The following ZNF226 variants were observed in gnomAD, a reference collection of about 807,000 sequenced individuals.
ZNF226 encodes the protein Kruppel-associated box protein.
Under a neutral mutation model 11.4 loss-of-function variants are expected in ZNF226, and 6 were observed. The ratio of observed to expected loss-of-function variants is 0.53; its 90% CI spans 0.29 to 1.04. The LOEUF is 1.04. Among genes scored for constraint, ZNF226 ranks in the 50% least tolerant of loss-of-function variants. The pLI is 0.08. For synonymous variants in ZNF226, 350 were observed against 322.8 expected (o/e 1.08, Z -0.90); for missense variants, 1,058 against 956.5 (o/e 1.11, Z -1.40).
downstream of ZNF226, among the ~76,000 whole-genome samples, chr19:44,179,803 C>T (rs534000798): frequency 1.3e-5 from 2 of 151,868 alleles, no homozygotes; most frequent in South Asian, 2.1e-4. Context: ...TTTACAGAGG[C>T]CAGGTGCGGT....
At chr19:44,197,199 A>G in the ZNF226 span, among the ~76,000 whole-genome samples, 1 of 152,078 alleles carries the variant, frequency 6.6e-6, no homozygotes, top group Non-Finnish European at 1.5e-5. Flanking sequence ...AATCTTGTAT[A>G]TATTTCGGGG....
the ZNF226 span, among the ~76,000 whole-genome samples, chr19:44,194,255 TTTA>T: frequency 1.3e-5 from 2 of 152,108 alleles, no homozygotes; most frequent in Non-Finnish European, 2.9e-5. Flanking sequence ...CCTAGTGGCA[TTTA>T]TTATTATTCT....
intron 5 of ZNF226, chr19:44,175,177 C>G: frequency 6.9e-7 from 1 of 1,452,780 alleles, no homozygotes; most frequent in Non-Finnish European, 9.0e-7. Flanking sequence ...AAACTGTGAG[C>G]ACTACAAAAT....
chr19:44,176,777 C>G lies in ZNF226; in HGVS notation c.1515C>G (p.Cys505Trp). Residue 505 changes from cysteine to tryptophan, a missense_variant, in exon 6 of 6, where the codon TGC becomes TGG. By Grantham distance (215) the Cys-to-Trp change is radical. Transcript: ENST00000337433. ...ACACTGGAGAGAAGCCATACAAATG[C>G]AATGAGTGTGGGAAGAGCTTCAGGA... ...RVHTGEKPYK[C>W]NECGKSFRRN... 5 of 1,612,022 alleles carry G rather than the reference C, an allele frequency of 3.1e-6. No homozygotes were observed. Among genetic ancestry groups the G allele is most frequent in the Non-Finnish European group, 4.2e-6 (5 of 1,179,354 alleles).
In ZNF226 at chr19:44,176,962, G is replaced by A. The variant is rs981577820; in HGVS notation, c.1700G>A (p.Gly567Asp). ...TTTAAGTGTGAGGAGTGTGGGCAGG[G>A]TTTCAATCAGAGCTCACGACTTCAG... ...KPFKCEECGQ[G>D]FNQSSRLQIH... Residue 567 changes from glycine to aspartate, a missense_variant, in exon 6 of 6, where the codon GGT becomes GAT. Coordinates refer to ENST00000337433, the MANE Select transcript of ZNF226 (RefSeq NM_001032373.2). The A allele has an allele frequency of 5.0e-6, 8 of 1,613,720 alleles. No homozygotes were observed. The Admixed American group carries it at 8.3e-5, about 17-fold the overall frequency.
chr19:44,196,875 T>C, the ZNF226 span, among the ~76,000 whole-genome samples: 1 of 152,178 alleles, frequency 6.6e-6, no homozygotes, highest in Non-Finnish European at 1.5e-5. Flanking sequence ...ATTCCTACTT[T>C]AAAATGTCCT....
chr19:44,179,818 C>T (rs200426128), downstream of ZNF226, among the ~76,000 whole-genome samples: 5 of 151,866 alleles, frequency 3.3e-5, no homozygotes, highest in East Asian at 5.8e-4. Flanking sequence ...TGCGGTTGCT[C>T]GTGCCTCTAA....
At chr19:44,168,860 A>G (rs893370208) in intron 2 of ZNF226, among the ~76,000 whole-genome samples, 1 of 152,032 alleles carries the variant, frequency 6.6e-6, no homozygotes, top group Non-Finnish European at 1.5e-5. Context: ...TTTAGCAGCT[A>G]TTGATGATGT....
At chr19:44,170,155 AC>A in intron 3 of ZNF226, 60 bp downstream of exon 3, 1 of 1,572,310 alleles carries the variant, frequency 6.4e-7, no homozygotes. Context: ...CAGAGATGGA[AC>A]CAGGTTTTTC....
Position 44,176,429 on chromosome 19 carries a change from G to A in ZNF226, c.1167G>A (p.Lys389=). 1.2e-6 allele frequency: 2 copies of A among 1,614,048 alleles called. No homozygotes were observed. Among genetic ancestry groups the A allele is most frequent in the South Asian group, 2.2e-5 (2 of 91,066 alleles). The change falls in exon 6 of 6, where the codon AAG becomes AAA. Residue 389 remains lysine, a synonymous_variant. Coordinates refer to ENST00000337433, the MANE Select transcript of ZNF226 (RefSeq NM_001032373.2). Reference sequence around the variant, plus strand: ...ATCAGAGACTCCACACTGGGGAGAAGCCATTCAAATGTGATGCATGTGGTA... The same window carrying A: ...ATCAGAGACTCCACACTGGGGAGAAACCATTCAAATGTGATGCATGTGGTA... The part of the protein sequence containing the change: ...QDHQRLHTGE[K]PFKCDACGKS...
the ZNF226 span, among the ~76,000 whole-genome samples, chr19:44,197,522 T>G: frequency 6.6e-6 from 1 of 152,222 alleles, no homozygotes; most frequent in African/African-American, 2.4e-5. Flanking sequence ...ATATAACATG[T>G]CAGTTATACA....
At position 44,177,380 on chromosome 19, in the gene ZNF226, G is replaced by A. The variant is rs768113062; in HGVS notation, c.2118G>A (p.Lys706=). 2 of 1,614,048 alleles carry A rather than the reference G, an allele frequency of 1.2e-6. No individual in the cohort carries two copies. Among genetic ancestry groups the A allele is most frequent in the Non-Finnish European group, 1.7e-6 (2 of 1,180,010 alleles). ...CATATAAATGTGGGGAGTGTGGTAAGTACTTCAGTCAGGCCTCAAGTCTTC... is the reference window on the plus strand; with the variant it reads ...CATATAAATGTGGGGAGTGTGGTAAATACTTCAGTCAGGCCTCAAGTCTTC... ...EKPYKCGECG[K]YFSQASSLQL... Residue 706 remains lysine (K), a synonymous_variant, in exon 6 of 6, where the codon AAG becomes AAA. Transcript: ENST00000337433.
At chr19:44,175,156 G>T in intron 5 of ZNF226, 2 of 1,500,202 alleles carry the variant, frequency 1.3e-6, no homozygotes, top group Non-Finnish European at 1.8e-6. Flanking sequence ...TAACTTCTGG[G>T]CTGTGGTTGT....
intron 2 of ZNF226, chr19:44,166,730 TA>T (rs1362441972): frequency 6.6e-6 from 1 of 152,108 alleles, no homozygotes; most frequent in Non-Finnish European, 1.5e-5. Flanking sequence ...AGGGACTGAG[TA>T]CAGTGCAACA....
intron 2 of ZNF226, chr19:44,166,735 T>C (rs1266390302): frequency 6.6e-6 from 1 of 152,138 alleles, no homozygotes; most frequent in Admixed American, 6.5e-5. Context: ...CTGAGTACAG[T>C]GCAACACTAC....
In ZNF226 at chr19:44,176,236, A is replaced by C; in HGVS notation, c.974A>C (p.His325Pro). The C allele has an allele frequency of 6.2e-7, 1 of 1,614,240 alleles. No individual in the cohort carries two copies. The highest frequency in any genetic ancestry group is 1.1e-5 in the South Asian group (1 of 91,090). The change falls in exon 6 of 6, where the codon CAT becomes CCT. Residue 325 changes from histidine (H) to proline (P), a missense_variant. His to Pro is a moderately conservative substitution (Grantham distance 77). Transcript: ENST00000337433. ...AGTCAGGGCGCTCATCTACAGACCC[A>C]TCAGAAAGTCCACGTGATAGAGAAA... ...EFSQGAHLQT[H>P]QKVHVIEKPY...
At position 44,176,125 on chromosome 19, in the gene ZNF226, G is replaced by T. The variant is rs773473609; in HGVS notation, c.863G>T (p.Gly288Val). The T allele has an allele frequency of 6.2e-7, 1 of 1,614,166 alleles. No individual in the cohort carries two copies. Among genetic ancestry groups the T allele is most frequent in the Non-Finnish European group, 8.5e-7 (1 of 1,180,026 alleles). ...KSLTCVERGKGFCYSPVLPVH... is the reference protein window; with the variant it reads ...KSLTCVERGKVFCYSPVLPVH... ...CTTACATGTGTTGAGCGTGGAAAAG[G>T]CTTCTGTTACAGCCCAGTTCTTCCT... Residue 288 changes from glycine (G) to valine (V), a missense_variant, in exon 6 of 6, where the codon GGC becomes GTC. Gly to Val is a moderately radical substitution (Grantham distance 109). Coordinates refer to ENST00000337433, the MANE Select transcript of ZNF226 (RefSeq NM_001032373.2).
the ZNF226 span, among the ~76,000 whole-genome samples, chr19:44,190,699 G>A: frequency 6.6e-5 from 10 of 152,206 alleles, no homozygotes; most frequent in Admixed American, 3.9e-4. Flanking sequence ...TTCAGACTTT[G>A]TTTGCAGTAC....
At chr19:44,184,158 C>G in the ZNF226 span, among the ~76,000 whole-genome samples, 2 of 152,192 alleles carry the variant, frequency 1.3e-5, no homozygotes, top group Non-Finnish European at 2.9e-5. Context: ...AAATAACTTT[C>G]TGACCCCTGC....
Sources: gnomAD v4.1 joint callset for allele counts (sites outside exome capture counted in the v4.1 genomes callset) on GRCh38, gnomAD v4.1.1 for gene constraint, MANE v1.5 for transcripts, NCBI Gene and HGNC (gene_info 2026-07-23, HGNC 2026-07-21) for gene names.